SMCHD1: variants seen among roughly 807,000 people sequenced by gnomAD.
The protein encoded by SMCHD1 is structural maintenance of chromosomes flexible hinge domain-containing protein 1.
A neutral mutation model predicts 254.7 loss-of-function variants in SMCHD1; 78 were observed. The observed-to-expected ratio is 0.31, with a 90% CI of 0.26 to 0.37. The LOEUF is 0.37. SMCHD1 is among the 10% of genes least tolerant of loss of function. The pLI is 1.00. For missense variants in SMCHD1, 1,840 were observed against 2,408.1 expected (o/e 0.76, Z 4.94); for synonymous variants, 766 against 794.9 (o/e 0.96, Z 0.61).
intron 40 of SMCHD1, among the ~76,000 whole-genome samples, 184 bp from the exon 41 acceptor site, chr18:2,772,066 T>G (rs2143750703): frequency 6.6e-6 from 1 of 152,240 alleles, no homozygotes; most frequent in African/African-American, 2.4e-5. Flanking sequence ...ATAACCATGG[T>G]TTTTAAAATT....
chr18:2,776,535 G>T (rs888597397), intron 42 of SMCHD1, among the ~76,000 whole-genome samples: 9 of 151,930 alleles, frequency 5.9e-5, no homozygotes, highest in Non-Finnish European at 1.2e-4. Flanking sequence ...TATGTACCCT[G>T]ATTAGGCCTA....
intron 33 of SMCHD1, 60 bp from the exon 34 acceptor site, chr18:2,752,428 T>C: frequency 9.4e-7 from 1 of 1,068,270 alleles, no homozygotes; most frequent in African/African-American, 1.6e-5. Context: ...TCCTCCTAAG[T>C]ATACTATGTT....
rs1216175213 is a variant in SMCHD1 at position 2,718,624 on chromosome 18, C to T, written c.2458+190C>T. The stretch of plus-strand genomic sequence containing the variant: ...AGGCTGGAGTGCAGTGGCACAATCT[C>T]GGCTCACTGCAACCTCCGCTTCCTG... On this transcript the variant is annotated intron_variant, in intron 19 of 47. Coordinates refer to ENST00000320876, the MANE Select transcript of SMCHD1 (RefSeq NM_015295.3). The surrounding 1 kb of genome is among the most constrained non-coding windows in gnomAD (Gnocchi z 4.6). 6.6e-6 allele frequency among the ~76,000 whole-genome samples: 1 copy of T among 152,158 alleles called. No homozygotes were observed. Among genetic ancestry groups the T allele is most frequent in the Non-Finnish European group, 1.5e-5 (1 of 68,032 alleles).
chr18:2,709,718 G>T, intron 17 of SMCHD1, among the ~76,000 whole-genome samples: 1 of 151,830 alleles, frequency 6.6e-6, no homozygotes, highest in African/African-American at 2.4e-5. Context: ...TATCTTCTTT[G>T]GACAAAGGTC....
At chr18:2,755,814 G>T (rs535850179) in intron 34 of SMCHD1, among the ~76,000 whole-genome samples, 1 of 150,908 alleles carries the variant, frequency 6.6e-6, no homozygotes, top group Non-Finnish European at 1.5e-5. Context: ...TGATCCACCC[G>T]CCTTGGCCTC....
chr18:2,783,793 G>A (rs564755055), intron 44 of SMCHD1, among the ~76,000 whole-genome samples: 3 of 151,970 alleles, frequency 2.0e-5, no homozygotes, highest in Admixed American at 6.6e-5. Context: ...GGCTGGTCTC[G>A]AACTCCTGAC....
intron 5 of SMCHD1, among the ~76,000 whole-genome samples, chr18:2,685,729 G>A (rs114928846): frequency 0.018 from 2,727 of 152,234 alleles, 41 homozygotes; most frequent in Middle Eastern, 0.099. Flanking sequence ...TACAGTATTT[G>A]TCATGTGTGA....
intron 1 of SMCHD1, among the ~76,000 whole-genome samples, chr18:2,658,677 C>G (rs1475548632): frequency 6.6e-6 from 1 of 151,980 alleles, no homozygotes. Context: ...GCCTCGGATC[C>G]CATAACTTTG....
chr18:2,681,543 C>T (rs2073926355), intron 5 of SMCHD1, among the ~76,000 whole-genome samples: 2 of 148,214 alleles, frequency 1.3e-5, no homozygotes, highest in African/African-American at 5.0e-5. Flanking sequence ...CATGATCACG[C>T]CACTGCACTC....
rs1021289739 is a variant in SMCHD1 at position 2,694,585 on chromosome 18, T to C, written c.932T>C (p.Ile311Thr). 1.2e-6 allele frequency: 2 copies of C among 1,609,750 alleles called. No homozygotes were observed. Among genetic ancestry groups the C allele is most frequent in the Admixed American group, 1.7e-5 (1 of 59,616 alleles). The change falls in exon 8 of 48, where the codon ATA becomes ACA. Residue 311 changes from isoleucine to threonine, a missense_variant. Transcript: ENST00000320876. The stretch of plus-strand genomic sequence containing the variant: ...GAAAGATTTCTACATCATCTTATCA[T>C]AGAGGAGAAGGAAAAAGATAGCTTT... ...DDERFLHHLI[I>T]EEKEKDSFTA... is the part of the protein sequence containing the mutation.
At chr18:2,758,051 TAG>T (rs2075716043) in intron 34 of SMCHD1, among the ~76,000 whole-genome samples, 1 of 152,006 alleles carries the variant, frequency 6.6e-6, no homozygotes, top group African/African-American at 2.4e-5. Context: ...TTTGCATATA[TAG>T]ATAGATAGAT....
intron 25 of SMCHD1, among the ~76,000 whole-genome samples, chr18:2,733,698 G>A (rs2075189788): frequency 6.6e-6 from 1 of 152,148 alleles, no homozygotes; most frequent in Non-Finnish European, 1.5e-5. Flanking sequence ...ACTGATAGTT[G>A]TATTGGAACA....
chr18:2,732,404 G>T lies in SMCHD1; in HGVS notation c.3188G>T (p.Gly1063Val). ...CAGGATGAGGTTAATTGGATAGCGG[G>T]TGATATTATGCATAATCTTATTTTT... Reference protein sequence around the residue: ...KHQDEVNWIAGDIMHNLIFQM... With the variant: ...KHQDEVNWIAVDIMHNLIFQM... Residue 1063 changes from glycine (G) to valine (V), a missense_variant, in exon 25 of 48, where the codon GGT becomes GTT. Gly to Val is a moderately radical substitution (Grantham distance 109). Around this residue, in one of 9 missense-constraint regions of SMCHD1, gnomAD observed 881 missense variants for 1,009.5 expected, o/e 0.87. Coordinates refer to ENST00000320876, the MANE Select transcript of SMCHD1 (RefSeq NM_015295.3). The T allele has an allele frequency of 6.2e-7, 1 of 1,613,428 alleles. No homozygotes were observed. Among genetic ancestry groups the T allele is most frequent in the Non-Finnish European group, 8.5e-7 (1 of 1,179,652 alleles).
At chr18:2,671,327 G>A (rs2073593456) in intron 3 of SMCHD1, among the ~76,000 whole-genome samples, 1 of 152,070 alleles carries the variant, frequency 6.6e-6, no homozygotes, top group African/African-American at 2.4e-5. Context: ...TGTAGTTTAT[G>A]TTTCATATTG....
intron 42 of SMCHD1, among the ~76,000 whole-genome samples, chr18:2,776,367 G>A (rs759820072): frequency 1.6e-4 from 24 of 151,502 alleles, no homozygotes; most frequent in Non-Finnish European, 2.8e-4. Flanking sequence ...GACTACAGGT[G>A]CATGCCAGCA....
chr18:2,735,017 C>T (rs1340007569), intron 25 of SMCHD1, among the ~76,000 whole-genome samples: 1 of 151,770 alleles, frequency 6.6e-6, no homozygotes. Context: ...TTGCAGTGAG[C>T]CAAGATTGCG....
At chr18:2,792,540 T>C (rs1005215794) in intron 45 of SMCHD1, among the ~76,000 whole-genome samples, 1 of 152,200 alleles carries the variant, frequency 6.6e-6, no homozygotes, top group African/African-American at 2.4e-5. Flanking sequence ...AGACATCCAC[T>C]GGGGGTCTTG....
chr18:2,681,586 C>A (rs1411738906), intron 5 of SMCHD1, among the ~76,000 whole-genome samples: 116 of 95,862 alleles, frequency 1.2e-3, no homozygotes, highest in Middle Eastern at 5.2e-3. Context: ...TCCTATCTCT[C>A]AAAAAAAAAA....
chr18:2,732,530 T>G (rs1262015076), intron 25 of SMCHD1, 38 bp downstream of exon 25: 1 of 1,340,564 alleles, frequency 7.5e-7, no homozygotes, highest in African/African-American at 1.5e-5. Context: ...TGTAAGAACT[T>G]TTTAAATTTT....
Sources: allele counts gnomAD v4.1 joint callset (sites outside exome capture counted in the v4.1 genomes callset), GRCh38; gene constraint gnomAD v4.1.1; regional missense constraint gnomAD v4.1.1; non-coding constraint Gnocchi (gnomAD v3.1); transcripts MANE v1.5; gene names NCBI Gene and HGNC (gene_info 2026-07-23, HGNC 2026-07-21).